The following MDFIC2 variants were observed in gnomAD, a reference collection of about 807,000 sequenced individuals.
MDFIC2 encodes the protein MyoD family inhibitor domain containing 2.
chr3:70,271,378 G>T (rs1701974428), intron 2 of MDFIC2, among the ~76,000 whole-genome samples: 1 of 152,152 alleles, frequency 6.6e-6, no homozygotes, highest in Non-Finnish European at 1.5e-5. Context: ...CTCACTGGTG[G>T]AACTCCAATG....
In MDFIC2 at chr3:70,216,750, C is replaced by T. The variant is rs1213724409; in HGVS notation, c.89-9960G>A. ...GTGAGGCAGGCCTTCCCTTACCTGACATCAAAAACAGTGCTTCCCAATCAG... is the reference window on the plus strand; with the variant it reads ...GTGAGGCAGGCCTTCCCTTACCTGATATCAAAAACAGTGCTTCCCAATCAG... On this transcript the variant is annotated intron_variant, in intron 2 of 3. Coordinates refer to ENST00000567252, the MANE Select transcript of MDFIC2 (RefSeq NM_001364677.1). Among the ~76,000 whole-genome samples, 3 of 152,134 alleles carry T rather than the reference C, an allele frequency of 2.0e-5. No homozygotes were observed. The East Asian group carries it at 5.8e-4, about 29-fold the overall frequency.
intron 3 of MDFIC2, among the ~76,000 whole-genome samples, chr3:70,199,607 G>A (rs887837943): frequency 2.6e-5 from 4 of 152,112 alleles, no homozygotes; most frequent in African/African-American, 7.2e-5. Flanking sequence ...TTTCCTAAAA[G>A]GCATGTTAAA....
At chr3:70,207,163 C>G (rs1701299249) in intron 2 of MDFIC2, among the ~76,000 whole-genome samples, 1 of 151,506 alleles carries the variant, frequency 6.6e-6, no homozygotes. Flanking sequence ...GGATAAGGAT[C>G]TTATGTGGTG....
At chr3:70,204,807 A>G (rs1559534438) in intron 3 of MDFIC2, 1 of 152,112 alleles carries the variant, frequency 6.6e-6, no homozygotes, top group African/African-American at 2.4e-5. Context: ...AGGTCAGATC[A>G]GAGTGATTCT....
At chr3:70,298,641 G>T (rs930387738) in intron 2 of MDFIC2, among the ~76,000 whole-genome samples, 2 of 152,062 alleles carry the variant, frequency 1.3e-5, no homozygotes, top group African/African-American at 2.4e-5. Flanking sequence ...CGTGTTTAGG[G>T]AATCCAACTG....
rs903366991 is a variant in MDFIC2, at chr3:70,195,822, C to A, written c.*1104G>T. On this transcript the variant is annotated 3_prime_UTR_variant, in exon 4 of 4. Coordinates refer to ENST00000567252, the MANE Select transcript of MDFIC2 (RefSeq NM_001364677.1). Reference sequence around the variant, plus strand: ...AAAGAACATTCCAAAGTAACTTTAACCTAGATGTGTTTTCACCACAAACTG... The same window carrying A: ...AAAGAACATTCCAAAGTAACTTTAAACTAGATGTGTTTTCACCACAAACTG... Among the ~76,000 whole-genome samples the A allele has an allele frequency of 6.6e-6, 1 of 152,112 alleles. No individual in the cohort carries two copies. Among genetic ancestry groups the A allele is most frequent in the African/African-American group, 2.4e-5 (1 of 41,408 alleles).
intron 2 of MDFIC2, chr3:70,272,280 AATC>A (rs1464021174): frequency 3.4e-5 from 5 of 148,040 alleles, no homozygotes; most frequent in African/African-American, 1.3e-4. Context: ...GCTCCTTTGC[AATC>A]ATCACACCCT....
At chr3:70,265,650 G>A (rs1701910446) in intron 2 of MDFIC2, among the ~76,000 whole-genome samples, 1 of 152,172 alleles carries the variant, frequency 6.6e-6, no homozygotes, top group Admixed American at 6.5e-5. Flanking sequence ...CATGTGCTTT[G>A]CACCTTACCA....
chr3:70,273,471 C>T (rs553683473), intron 2 of MDFIC2, among the ~76,000 whole-genome samples: 1 of 152,076 alleles, frequency 6.6e-6, no homozygotes, highest in African/African-American at 2.4e-5. Flanking sequence ...CTCAGGAGAT[C>T]GTCCAGAAAA....
At chr3:70,290,758 C>A (rs1050977257) in intron 2 of MDFIC2, among the ~76,000 whole-genome samples, 2 of 152,198 alleles carry the variant, frequency 1.3e-5, no homozygotes, top group African/African-American at 4.8e-5. Context: ...GTTATAATCT[C>A]GTGGTGCGCC....
chr3:70,311,995 G>A (rs1406253284), intron 1 of MDFIC2, 22 bp from the exon 2 acceptor site: 1 of 397,334 alleles, frequency 2.5e-6, no homozygotes, highest in Non-Finnish European at 4.4e-6. Context: ...CAGAATTTGT[G>A]ATATAAAAAA....
intron 2 of MDFIC2, among the ~76,000 whole-genome samples, chr3:70,260,259 T>A (rs1701852917): frequency 6.6e-6 from 1 of 152,158 alleles, no homozygotes; most frequent in African/African-American, 2.4e-5. Context: ...TCTGCCTTTG[T>A]CATCGTACGG....
chr3:70,255,765 A>AT (rs991443768), intron 2 of MDFIC2, among the ~76,000 whole-genome samples: 100 of 152,186 alleles, frequency 6.6e-4, no homozygotes, highest in African/African-American at 2.3e-3. Context: ...CCAGGGGGCT[A>AT]TTTTTCAACT....
chr3:70,282,463 G>A (rs1702096083), intron 2 of MDFIC2, among the ~76,000 whole-genome samples: 2 of 152,182 alleles, frequency 1.3e-5, no homozygotes, highest in African/African-American at 4.8e-5. Flanking sequence ...GTCATATCAT[G>A]GCCTGCAAGG....
At chr3:70,297,994 A>T (rs1702306066) in intron 2 of MDFIC2, among the ~76,000 whole-genome samples, 1 of 152,100 alleles carries the variant, frequency 6.6e-6, no homozygotes, top group Non-Finnish European at 1.5e-5. Flanking sequence ...AGAAATTTTT[A>T]AAAATTCTAA....
At chr3:70,244,307 T>G (rs1268287740) in intron 2 of MDFIC2, among the ~76,000 whole-genome samples, 1 of 152,262 alleles carries the variant, frequency 6.6e-6, no homozygotes, top group East Asian at 1.9e-4. Flanking sequence ...ACCACTGCAG[T>G]GTAGACTTTT....
chr3:70,227,394 T>A (rs1401952461), intron 2 of MDFIC2, among the ~76,000 whole-genome samples: 5 of 152,132 alleles, frequency 3.3e-5, no homozygotes, highest in African/African-American at 1.2e-4. Context: ...AAGAAAACAA[T>A]GTGATTCAAA....
chr3:70,244,581 A>T lies in MDFIC2; in HGVS notation c.89-37791T>A, dbSNP rs555947073. Among the ~76,000 whole-genome samples the T allele has an allele frequency of 2.6e-5, 4 of 152,316 alleles. No individual in the cohort carries two copies. In the East Asian group the frequency reaches 7.7e-4, roughly 29 times the overall value. Reference sequence around the variant, plus strand: ...GTAAAAAGAAGAAGAGACAAGATTGACTGGTGAATAAAATGAAACTGACAC... The same window carrying T: ...GTAAAAAGAAGAAGAGACAAGATTGTCTGGTGAATAAAATGAAACTGACAC... On this transcript the variant is annotated intron_variant, in intron 2 of 3. Transcript: ENST00000567252.
At position 70,267,245 on chromosome 3, in the gene MDFIC2, G is replaced by A. The variant is rs62256477; in HGVS notation, c.88+44641C>T. ...GTCTCATTTTTACGAAGGGCAGAAT[G>A]CAAAACAAGAATTGATGGGTAAATC... On this transcript the variant is annotated intron_variant, in intron 2 of 3. Transcript: ENST00000567252. Among the ~76,000 whole-genome samples the A allele has an allele frequency of 8.1e-3, 1,232 of 152,164 alleles. 8 individuals carry two copies. The highest frequency in any genetic ancestry group is 0.017 in the Middle Eastern group (5 of 294).
Sources: gnomAD v4.1 joint callset for allele counts (sites outside exome capture counted in the v4.1 genomes callset) on GRCh38, gnomAD v4.1.1 for gene constraint, MANE v1.5 for transcripts, NCBI Gene and HGNC (gene_info 2026-07-23, HGNC 2026-07-21) for gene names.